The following HMGXB3 variants were observed in gnomAD, a reference collection of about 807,000 sequenced individuals.
HMGXB3 encodes HMG-box containing 3, also known as HMG domain-containing protein 3.
In HMGXB3, 45 loss-of-function variants were observed where a neutral mutation model predicts 121.5. The ratio of observed to expected loss-of-function variants is 0.37; its 90% CI spans 0.29 to 0.47. The LOEUF (loss-of-function observed/expected upper bound fraction) is 0.47. Among genes scored for constraint, HMGXB3 ranks in the 20% least tolerant of loss-of-function variants. The pLI is 0.99. For synonymous variants in HMGXB3, 590 were observed against 624.1 expected, an observed-to-expected ratio of 0.95 and a Z score of 0.81; for missense variants, 1,376 against 1,602.2, an observed-to-expected ratio of 0.86 and a Z score of 2.41.
chr5:150,037,354 G>A, intron 12 of HMGXB3, 46 bp from the exon 13 acceptor site: 1 of 1,477,988 alleles, frequency 6.8e-7, no homozygotes, highest in South Asian at 1.4e-5. Flanking sequence ...CCATAAAGAA[G>A]TCTCTTTCCC....
chr5:150,024,402 G>A lies in HMGXB3; in HGVS notation c.1182G>A (p.Ser394=), dbSNP rs558708783. The change falls in exon 7 of 20, where the codon TCG becomes TCA. Residue 394 remains serine (S), a synonymous_variant. Coordinates refer to ENST00000502717, the MANE Select transcript of HMGXB3 (RefSeq NM_014983.3). ...ENASKLTLEN[S]EAVSQLLNVA... is the part of the protein sequence containing the mutation. ...CCTCCAAACTGACTCTGGAGAATTC[G>A]GAAGCTGTAAGCCAGCTCCTGAACG... 70 of 1,551,704 alleles carry A rather than the reference G, an allele frequency of 4.5e-5. No homozygotes were observed. Among genetic ancestry groups the A allele is most frequent in the Admixed American group, 7.8e-5 (4 of 50,998 alleles).
chr5:150,017,060 T>C (rs1475682623), intron 5 of HMGXB3, among the ~76,000 whole-genome samples: 2 of 152,346 alleles, frequency 1.3e-5, no homozygotes, highest in Non-Finnish European at 2.9e-5. Flanking sequence ...GAGTCTTTAT[T>C]CTCCTGGAAA....
At chr5:150,048,743 C>T in intron 18 of HMGXB3, 58 bp downstream of exon 18, 1 of 1,226,486 alleles carries the variant, frequency 8.2e-7, no homozygotes, top group Non-Finnish European at 1.2e-6. Context: ...ACTTCCCATA[C>T]AGGGACTGAT....
intron 6 of HMGXB3, among the ~76,000 whole-genome samples, chr5:150,022,409 A>T (rs1024157647): frequency 1.2e-4 from 19 of 152,194 alleles, no homozygotes; most frequent in African/African-American, 4.6e-4. Flanking sequence ...TGTTTAGCTC[A>T]AGGCTTCATT....
intron 6 of HMGXB3, 23 bp from the exon 7 acceptor site, chr5:150,024,239 A>G: frequency 6.7e-7 from 1 of 1,496,306 alleles, no homozygotes; most frequent in Non-Finnish European, 8.9e-7. Context: ...CCTTATGTAT[A>G]CAAGGTATTC....
chr5:150,041,817 C>G lies in HMGXB3; in HGVS notation c.2578C>G (p.Leu860Val), dbSNP rs148706243. ...KTLTSEELSQ[L>V]QELLCNGYWA... ...TCTGACCTCGGAGGAGCTGAGCCAG[C>G]TGCAGGAGCTGCTGTGCAATGGCTA... The change falls in exon 15 of 20, where the codon CTG becomes GTG. Residue 860 changes from leucine to valine, a missense_variant. Physicochemically the swap from Leu to Val is conservative, Grantham distance 32. Around this residue, in one of 2 missense-constraint regions of HMGXB3, gnomAD observed 1,116 missense variants for 1,369.0 expected, o/e 0.82. Transcript: ENST00000502717. 1.4e-5 allele frequency: 21 copies of G among 1,551,618 alleles called. No homozygotes were observed. The African/African-American group carries it at 2.5e-4, about 18-fold the overall frequency.
chr5:150,051,000 G>T (rs942297509), intron 19 of HMGXB3, among the ~76,000 whole-genome samples: 5 of 152,138 alleles, frequency 3.3e-5, no homozygotes, highest in Admixed American at 1.3e-4. Flanking sequence ...GTTGACCATG[G>T]ATAACACTGT....
intron 5 of HMGXB3, among the ~76,000 whole-genome samples, 178 bp downstream of exon 5, chr5:150,012,531 A>G (rs1755864711): frequency 1.3e-5 from 2 of 152,150 alleles, no homozygotes; most frequent in African/African-American, 2.4e-5. Flanking sequence ...TGTGGTCCAT[A>G]TGTTCTTAAT....
In HMGXB3 at chr5:150,032,583, G is replaced by A. The variant is rs1191492252; in HGVS notation, c.1963G>A (p.Glu655Lys). ...CGVNLAKDRT[E>K]KTTKAIEVSS... is the part of the protein sequence containing the mutation. ...TGTTAACCTTGCCAAAGACCGGACT[G>A]AGAAAACCACCAAGGCTATCGTGAG... The change falls in exon 11 of 20, where the codon GAG becomes AAG. Residue 655 changes from glutamate (E) to lysine (K), a missense_variant. Glu to Lys is a moderately conservative substitution (Grantham distance 56, BLOSUM62 1). This residue lies in a region of HMGXB3 where 1,116 missense variants were observed against 1,369.0 expected (regional missense o/e 0.82). Coordinates refer to ENST00000502717, the MANE Select transcript of HMGXB3 (RefSeq NM_014983.3). 1.9e-6 allele frequency: 3 copies of A among 1,552,294 alleles called. No homozygotes were observed. Among genetic ancestry groups the A allele is most frequent in the Non-Finnish European group, 2.6e-6 (3 of 1,147,114 alleles).
At chr5:150,007,768 G>C (rs937954662) in intron 3 of HMGXB3, among the ~76,000 whole-genome samples, 1 of 152,102 alleles carries the variant, frequency 6.6e-6, no homozygotes, top group African/African-American at 2.4e-5. Flanking sequence ...AAAATCAGCT[G>C]TCTAGGCTGG....
Position 150,001,045 on chromosome 5 carries a change from T to G in HMGXB3, c.-137T>G, listed in dbSNP as rs1446281268. The G allele has an allele frequency of 1.9e-5, 3 of 154,266 alleles. No homozygotes were observed. The highest frequency in any genetic ancestry group is 4.4e-5 in the Non-Finnish European group (3 of 68,204). The allele number at this position is 154,266 out of a possible 1,614,324, so 9.6% of individuals were successfully genotyped here. On this transcript the variant is annotated 5_prime_UTR_variant, in exon 1 of 20. Transcript: ENST00000502717. ...CGCGCGAGCCCTCGCCTCCACTTCC[T>G]TGTTGCTGCTGTCACGACTGGAGCC... is the stretch of plus-strand genomic sequence containing the variant.
At chr5:150,049,386 G>T (rs1469315747) in intron 18 of HMGXB3, among the ~76,000 whole-genome samples, 3 of 149,808 alleles carry the variant, frequency 2.0e-5, no homozygotes. Context: ...GACAGAGTGG[G>T]CCCAGGTAGA....
Position 150,004,967 on chromosome 5 carries a change from G to C in HMGXB3, c.115G>C (p.Gly39Arg). Residue 39 changes from glycine to arginine, a missense_variant, in exon 2 of 20, where the codon GGA (glycine) becomes CGA (arginine). Gly to Arg is a moderately radical substitution (Grantham distance 125, BLOSUM62 -2). This residue lies in a region of HMGXB3 where 1,116 missense variants were observed against 1,369.0 expected (regional missense o/e 0.82). Coordinates refer to ENST00000502717, the MANE Select transcript of HMGXB3 (RefSeq NM_014983.3). The part of the protein sequence containing the change: ...PKKKKKYKIH[G>R]EKTKKPRSAY... The stretch of plus-strand genomic sequence containing the variant: ...GAAGAAGAAAAAGTATAAAATACAT[G>C]GAGAAAAGACAAAGAAACCCAGGTT... 6.4e-7 allele frequency: 1 copy of C among 1,550,472 alleles called. No individual in the cohort carries two copies. Among genetic ancestry groups the C allele is most frequent in the Non-Finnish European group, 8.7e-7 (1 of 1,146,696 alleles).
chr5:150,024,562 G>A lies in HMGXB3; in HGVS notation c.1342G>A (p.Val448Met), dbSNP rs1756178332. 6.4e-7 allele frequency: 1 copy of A among 1,551,752 alleles called. No homozygotes were observed. The highest frequency in any genetic ancestry group is 2.4e-5 in the East Asian group (1 of 40,918). ...TAAGACGCCAGTCGTCAAAAGTGGT[G>A]TGCAGCCTGAGGTCACTCTGGGGAC... ...VTKTPVVKSG[V>M]QPEVTLGTTD... Residue 448 changes from valine to methionine, a missense_variant, in exon 7 of 20, where the codon GTG becomes ATG. By Grantham distance (21) the Val-to-Met change is conservative. Around this residue, in one of 2 missense-constraint regions of HMGXB3, gnomAD observed 1,116 missense variants for 1,369.0 expected, o/e 0.82. Transcript: ENST00000502717.
In HMGXB3 at chr5:150,030,855, G is replaced by GGT. The variant is rs754689491; in HGVS notation, c.1833+18_1833+19dup. 4.1e-4 allele frequency: 621 copies of GGT among 1,526,320 alleles called. No individual in the cohort carries two copies. Among genetic ancestry groups the GGT allele is most frequent in the Non-Finnish European group, 4.9e-4 (555 of 1,123,842 alleles). The allele number at this position is 1,526,320 out of a possible 1,614,324, so 94.5% of individuals were successfully genotyped here. A position where few individuals can be genotyped will look rare whatever the true frequency, so the allele number is the denominator to read the frequency against. On this transcript the variant is annotated intron_variant, in intron 10 of 19. Transcript: ENST00000502717. The stretch of plus-strand genomic sequence containing the variant: ...TGTCACATTGGTAAGTATGCAGCTA[G>GGT]GTGGTGGTGGGTTGACATGGAGGTT...
At chr5:150,018,333 G>T (rs1183575873) in intron 5 of HMGXB3, among the ~76,000 whole-genome samples, 3 of 152,160 alleles carry the variant, frequency 2.0e-5, no homozygotes, top group African/African-American at 7.2e-5. Context: ...CATTCTTCTG[G>T]TACCTAACTG....
chr5:150,051,996 A>G lies in HMGXB3; in HGVS notation c.3683A>G (p.Tyr1228Cys), dbSNP rs992952342. ...RPIAFDNATH[Y>C]YLYNRLMDFL... The stretch of plus-strand genomic sequence containing the variant: ...ATTGCCTTCGACAATGCCACTCACT[A>G]TTACCTCTACAACCGCCTCATGGAC... The change falls in exon 20 of 20, where the codon TAT (tyrosine) becomes TGT (cysteine). Residue 1228 changes from tyrosine (Y) to cysteine (C), a missense_variant. Tyr to Cys is a radical substitution (Grantham distance 194). Around this residue, in one of 2 missense-constraint regions of HMGXB3, gnomAD observed 260 missense variants for 233.2 expected, o/e 1.11. Coordinates refer to ENST00000502717, the MANE Select transcript of HMGXB3 (RefSeq NM_014983.3). 3.2e-6 allele frequency: 5 copies of G among 1,551,982 alleles called. No homozygotes were observed. Among genetic ancestry groups the G allele is most frequent in the Non-Finnish European group, 4.4e-6 (5 of 1,147,088 alleles).
In HMGXB3 at chr5:150,040,925, C is replaced by T. The variant is rs1470166327; in HGVS notation, c.2545+46C>T. ...TTTCCCAAGGTTAGTCCTAAGCTCC[C>T]TCGGAATTTTCAGTGATGGCATTTG... On this transcript the variant is annotated intron_variant, in intron 14 of 19. Transcript: ENST00000502717. 6 of 1,467,626 alleles carry T rather than the reference C, an allele frequency of 4.1e-6. No individual in the cohort carries two copies. The African/African-American group carries it at 8.7e-5, about 21-fold the overall frequency. The allele number at this position is 1,467,626 out of a possible 1,614,324, so 90.9% of individuals were successfully genotyped here.
intron 5 of HMGXB3, among the ~76,000 whole-genome samples, chr5:150,015,337 A>G (rs1755936331): frequency 6.6e-6 from 1 of 152,142 alleles, no homozygotes; most frequent in African/African-American, 2.4e-5. Flanking sequence ...TGCCCATGTT[A>G]GAGTGCAGTG....
Sources: gnomAD v4.1 joint callset for allele counts (sites outside exome capture counted in the v4.1 genomes callset) on GRCh38, gnomAD v4.1.1 for gene constraint, gnomAD v4.1.1 regional missense constraint, MANE v1.5 for transcripts, NCBI Gene and HGNC (gene_info 2026-07-23, HGNC 2026-07-21) for gene names.